STK38L: variants seen among roughly 807,000 people sequenced by gnomAD.
STK38L encodes the protein serine/threonine kinase 38 like, also known as serine/threonine-protein kinase 38-like.
A neutral mutation model predicts 59.7 loss-of-function variants in STK38L; 28 were observed. The ratio of observed to expected loss-of-function variants is 0.47; its 90% CI spans 0.35 to 0.64. STK38L has a LOEUF of 0.64. Among genes scored for constraint, STK38L ranks in the 30% least tolerant of loss-of-function variants. STK38L has a pLI of 0.01. For missense variants in STK38L, 314 were observed against 555.8 expected (o/e 0.56, Z 4.37); for synonymous variants, 162 against 176.8 (o/e 0.92, Z 0.66).
intron 1 of STK38L, among the ~76,000 whole-genome samples, chr12:27,281,070 T>TAACTGACTCTGGTTGTAAAAAG (rs1591884909): frequency 2.6e-4 from 3 of 11,366 alleles, no homozygotes; most frequent in South Asian, 2.1e-3. Flanking sequence ...TAGCTTTGTT[T>TAACTGACTCTGGTTGTAAAAAG]TTTTTTTTTT....
rs763392599 is a variant in STK38L, at chr12:27,319,396, T to C, written c.1148T>C (p.Phe383Ser). 38 of 1,613,604 alleles carry C rather than the reference T, an allele frequency of 2.4e-5. 1 individual carries two copies. In the South Asian group the frequency reaches 4.2e-4, roughly 18 times the overall value. The change falls in exon 12 of 14, where the codon TTT becomes TCT. Residue 383 changes from phenylalanine to serine, a missense_variant. This residue lies in a region of STK38L where 94 missense variants were observed against 142.2 expected (regional missense o/e 0.66). Coordinates refer to ENST00000389032, the MANE Select transcript of STK38L (RefSeq NM_015000.4). ...GAAGAAATAAAAGGTCATCCCTTTTTTGAAGGTGTCGACTGGGAGCACATA... is the reference window on the plus strand; with the variant it reads ...GAAGAAATAAAAGGTCATCCCTTTTCTGAAGGTGTCGACTGGGAGCACATA... ...GVEEIKGHPF[F>S]EGVDWEHIRE...
In STK38L at chr12:27,261,725, A is replaced by G. The variant is rs1943207731; in HGVS notation, c.-12+17393A>G. 2.6e-5 allele frequency among the ~76,000 whole-genome samples: 4 copies of G among 152,224 alleles called. No homozygotes were observed. In the South Asian group the frequency reaches 8.3e-4, roughly 31 times the overall value. On this transcript the variant is annotated intron_variant, in intron 1 of 13. Transcript: ENST00000389032. Reference sequence around the variant, plus strand: ...CATTTTAACTGTGTGACCTGAAACAAATTTCTTAAGTTCTTCTCTAAATTT... The same window carrying G: ...CATTTTAACTGTGTGACCTGAAACAGATTTCTTAAGTTCTTCTCTAAATTT...
At position 27,309,203 on chromosome 12, in the gene STK38L, A is replaced by T. The variant is rs376606280; in HGVS notation, c.393+6A>T. On this transcript the variant is annotated splice_donor_region_variant and intron_variant, in intron 5 of 13. Coordinates refer to ENST00000389032, the MANE Select transcript of STK38L (RefSeq NM_015000.4). ...ATATGCTTGAAAAAGAGCAGGTATG[A>T]GTTCTTTAACACATGTAATATAAAG... 94 of 1,588,048 alleles carry T rather than the reference A, an allele frequency of 5.9e-5. No individual in the cohort carries two copies. Among genetic ancestry groups the T allele is most frequent in the Non-Finnish European group, 6.3e-5 (73 of 1,164,692 alleles).
chr12:27,286,613 T>C (rs567183875), intron 1 of STK38L, among the ~76,000 whole-genome samples: 128 of 152,240 alleles, frequency 8.4e-4, no homozygotes, highest in Non-Finnish European at 1.6e-3. Context: ...TTAAGTCGTT[T>C]GCTATTTTAA....
chr12:27,252,206 C>T (rs999835232), intron 1 of STK38L, among the ~76,000 whole-genome samples: 1 of 152,314 alleles, frequency 6.6e-6, no homozygotes, highest in Admixed American at 6.5e-5. Context: ...GTCTCAATCT[C>T]CTGACCTCGT....
At chr12:27,322,037 T>G (rs1944740803) in intron 12 of STK38L, 106 bp from the exon 13 acceptor site, 5 of 969,468 alleles carry the variant, frequency 5.2e-6, no homozygotes, top group Non-Finnish European at 4.5e-6. Context: ...TTTCCTTGGA[T>G]TTTCTAGTAT....
chr12:27,251,853 G>A (rs1188391392), intron 1 of STK38L, among the ~76,000 whole-genome samples: 1 of 152,122 alleles, frequency 6.6e-6, no homozygotes, highest in African/African-American at 2.4e-5. Context: ...CTATCTCATT[G>A]TGCACTCAAT....
intron 1 of STK38L, among the ~76,000 whole-genome samples, chr12:27,251,656 A>G (rs1324174023): frequency 1.8e-4 from 28 of 152,252 alleles, no homozygotes; most frequent in Non-Finnish European, 4.4e-5. Context: ...GCTGAAATAA[A>G]TGATATAATC....
chr12:27,254,415 CT>C (rs1943042716), intron 1 of STK38L, among the ~76,000 whole-genome samples: 1 of 152,168 alleles, frequency 6.6e-6, no homozygotes, highest in South Asian at 2.1e-4. Context: ...CTCCTCTATC[CT>C]TGTTTGGTCA....
At chr12:27,315,468 C>T (rs535432411) in intron 9 of STK38L, 118 bp downstream of exon 9, 1 of 777,072 alleles carries the variant, frequency 1.3e-6, no homozygotes, top group Non-Finnish European at 2.0e-6. Context: ...AATGGTAGCG[C>T]TTGCTCTGGG....
chr12:27,245,968 G>A (rs1942842078), intron 1 of STK38L, among the ~76,000 whole-genome samples: 1 of 152,094 alleles, frequency 6.6e-6, no homozygotes, highest in Non-Finnish European at 1.5e-5. Flanking sequence ...CACTAGGAAT[G>A]AAAAAATTAG....
intron 1 of STK38L, among the ~76,000 whole-genome samples, chr12:27,251,832 T>G (rs1200810256): frequency 6.6e-6 from 1 of 152,228 alleles, no homozygotes; most frequent in Non-Finnish European, 1.5e-5. Flanking sequence ...CCTTAATTCT[T>G]AAGTTATTGT....
At chr12:27,256,750 A>T (rs1438614549) in intron 1 of STK38L, among the ~76,000 whole-genome samples, 1 of 152,220 alleles carries the variant, frequency 6.6e-6, no homozygotes, top group African/African-American at 2.4e-5. Context: ...AGATAATTTT[A>T]TGTCACTGCA....
At chr12:27,321,924 A>C (rs1442625009) in intron 12 of STK38L, among the ~76,000 whole-genome samples, 1 of 152,178 alleles carries the variant, frequency 6.6e-6, no homozygotes, top group Non-Finnish European at 1.5e-5. Context: ...AACCCCAAAA[A>C]TTAAAAAAAT....
intron 1 of STK38L, among the ~76,000 whole-genome samples, chr12:27,286,267 T>C (rs984356617): frequency 6.6e-6 from 1 of 152,118 alleles, no homozygotes; most frequent in Non-Finnish European, 1.5e-5. Flanking sequence ...CCCCCAAACA[T>C]CCAGCACTCT....
intron 11 of STK38L, among the ~76,000 whole-genome samples, chr12:27,318,915 C>T (rs1431381135): frequency 6.6e-6 from 1 of 152,094 alleles, no homozygotes; most frequent in Non-Finnish European, 1.5e-5. Context: ...GACATGAACC[C>T]GGGAGGTGGA....
Position 27,318,025 on chromosome 12 carries a change from T to C in STK38L, c.1079+6T>C, listed in dbSNP as rs1484990689. On this transcript the variant is annotated splice_donor_region_variant and intron_variant, in intron 11 of 13. Coordinates refer to ENST00000389032, the MANE Select transcript of STK38L (RefSeq NM_015000.4). Reference sequence around the variant, plus strand: ...GCCAAGGACTTAATTCTCAGGTTAGTGGTTAAATTCCTAGAGGAGTTCATA... The same window carrying C: ...GCCAAGGACTTAATTCTCAGGTTAGCGGTTAAATTCCTAGAGGAGTTCATA... 6.2e-7 allele frequency: 1 copy of C among 1,613,512 alleles called. No individual in the cohort carries two copies. Among genetic ancestry groups the C allele is most frequent in the Non-Finnish European group, 8.5e-7 (1 of 1,179,864 alleles).
chr12:27,318,459 T>C (rs1944640370), intron 11 of STK38L, among the ~76,000 whole-genome samples: 1 of 152,234 alleles, frequency 6.6e-6, no homozygotes, highest in Non-Finnish European at 1.5e-5. Flanking sequence ...CTTGTGGGAA[T>C]AGCCAGTTGG....
At chr12:27,285,358 G>A (rs1006048096) in intron 1 of STK38L, among the ~76,000 whole-genome samples, 8 of 152,102 alleles carry the variant, frequency 5.3e-5, no homozygotes, top group African/African-American at 1.7e-4. Flanking sequence ...GAATGAATGG[G>A]AAAATTAAAA....
Sources: allele counts gnomAD v4.1 joint callset (sites outside exome capture counted in the v4.1 genomes callset), GRCh38; gene constraint gnomAD v4.1.1; regional missense constraint gnomAD v4.1.1; transcripts MANE v1.5; gene names NCBI Gene and HGNC (gene_info 2026-07-23, HGNC 2026-07-21).